SPECC1: variants seen among roughly 807,000 people sequenced by gnomAD.
The protein encoded by SPECC1 is sperm antigen with calponin homology and coiled-coil domains 1.
A neutral mutation model predicts 104.1 loss-of-function variants in SPECC1; 62 were observed. The observed-to-expected ratio is 0.60, with a 90% CI of 0.49 to 0.74. SPECC1 has a LOEUF of 0.74. Ranked by LOEUF, SPECC1 falls within the 30% of genes least tolerant of loss-of-function variation. SPECC1 has a pLI of 0.00. For synonymous variants in SPECC1, 513 were observed against 501.6 expected, an observed-to-expected ratio of 1.02 and a Z score of -0.30; for missense variants, 1,306 against 1,310.5, an observed-to-expected ratio of 1.00 and a Z score of 0.05.
At chr17:20,031,577 G>C (rs555871207) in intron 1 of SPECC1, among the ~76,000 whole-genome samples, 1 of 152,074 alleles carries the variant, frequency 6.6e-6, no homozygotes, top group Non-Finnish European at 1.5e-5. Flanking sequence ...TTGTATTGTT[G>C]TACCACCCTC....
chr17:20,196,790 AT>A (rs1261545530), intron 3 of SPECC1, among the ~76,000 whole-genome samples: 2 of 152,214 alleles, frequency 1.3e-5, no homozygotes, highest in Non-Finnish European at 2.9e-5. Context: ...AAATTGAACA[AT>A]TTTTAAAAGT....
At chr17:20,218,480 CAG>C (rs2037650818) in intron 4 of SPECC1, among the ~76,000 whole-genome samples, 1 of 152,140 alleles carries the variant, frequency 6.6e-6, no homozygotes, top group Non-Finnish European at 1.5e-5. Context: ...TATTACAATC[CAG>C]AGTCTCACGC....
At chr17:20,238,435 C>T (rs1010617724) in intron 7 of SPECC1, 3 of 1,042,114 alleles carry the variant, frequency 2.9e-6, no homozygotes, top group African/African-American at 1.7e-5. Context: ...GGAACTGGTT[C>T]ACAGTGTACA....
chr17:20,293,956 A>G (rs1163425731), intron 12 of SPECC1, among the ~76,000 whole-genome samples: 2 of 151,920 alleles, frequency 1.3e-5, no homozygotes, highest in Admixed American at 6.6e-5. Flanking sequence ...AGAAGCCACC[A>G]TCTCGATGGG....
In SPECC1 at chr17:20,151,112, G is replaced by C. The variant is rs185825455; in HGVS notation, c.283+40550G>C. Among the ~76,000 whole-genome samples the C allele has an allele frequency of 3.3e-5, 5 of 152,232 alleles. No individual in the cohort carries two copies. The East Asian group carries it at 9.6e-4, about 29-fold the overall frequency. On this transcript the variant is annotated intron_variant, in intron 3 of 14. Coordinates refer to ENST00000395527, the MANE Select transcript of SPECC1 (RefSeq NM_001243439.2). The stretch of plus-strand genomic sequence containing the variant: ...TCAACTTAGTTATACCTTTACATTT[G>C]AAATTACACATTATAGAAATACAGT...
intron 1 of SPECC1, among the ~76,000 whole-genome samples, chr17:20,057,240 G>C (rs2046000138): frequency 6.6e-6 from 1 of 152,140 alleles, no homozygotes; most frequent in Non-Finnish European, 1.5e-5. Context: ...AGGAGATCAA[G>C]ACCATCCTGG....
intron 3 of SPECC1, among the ~76,000 whole-genome samples, chr17:20,133,790 C>G (rs902612640): frequency 6.6e-6 from 1 of 152,192 alleles, no homozygotes; most frequent in African/African-American, 2.4e-5. Context: ...CAGACTGAAT[C>G]TTTTGTGTGA....
At chr17:20,044,076 T>C (rs1166695961) in intron 1 of SPECC1, among the ~76,000 whole-genome samples, 4 of 152,116 alleles carry the variant, frequency 2.6e-5, no homozygotes, top group Admixed American at 2.0e-4. Flanking sequence ...AAGCTGTGCA[T>C]CATAGAATCC....
chr17:20,111,913 G>A (rs1284270239), intron 3 of SPECC1: 8 of 788,782 alleles, frequency 1.0e-5, no homozygotes, highest in African/African-American at 5.1e-5. Context: ...TGCTTTCTGT[G>A]GCCAGTGGTA....
intron 3 of SPECC1, among the ~76,000 whole-genome samples, chr17:20,163,289 A>G (rs1388849582): frequency 6.6e-6 from 1 of 152,196 alleles, no homozygotes. Context: ...TTCAAGTTCA[A>G]CGTCTTGTTA....
chr17:20,166,474 T>C (rs577790057), intron 3 of SPECC1, among the ~76,000 whole-genome samples: 1 of 152,160 alleles, frequency 6.6e-6, no homozygotes, highest in Non-Finnish European at 1.5e-5. Context: ...TTTGGAAATT[T>C]TGAGTCAAAT....
intron 4 of SPECC1, among the ~76,000 whole-genome samples, chr17:20,210,785 A>G (rs1469940261): frequency 6.6e-6 from 1 of 152,064 alleles, no homozygotes; most frequent in African/African-American, 2.4e-5. Flanking sequence ...CCCAGTGCCC[A>G]GCTCCCACCA....
chr17:20,107,726 A>G (rs922204240), intron 2 of SPECC1, among the ~76,000 whole-genome samples: 1 of 152,092 alleles, frequency 6.6e-6, no homozygotes, highest in Non-Finnish European at 1.5e-5. Flanking sequence ...GGGTTTCACC[A>G]TGTTGACAAG....
At chr17:20,211,649 G>A (rs372618586) in intron 4 of SPECC1, among the ~76,000 whole-genome samples, 26 of 152,330 alleles carry the variant, frequency 1.7e-4, no homozygotes, top group African/African-American at 6.0e-4. Flanking sequence ...GTCCTCTCCC[G>A]ACACCCCCAG....
rs893395793 is a variant in SPECC1, at chr17:20,314,846, A to G, written c.*781A>G. The G allele has an allele frequency of 1.3e-5, 3 of 231,454 alleles. No homozygotes were observed. Among genetic ancestry groups the G allele is most frequent in the Non-Finnish European group, 2.6e-5 (3 of 116,976 alleles). The allele number at this position is 231,454 out of a possible 1,614,324, so 14.3% of individuals were successfully genotyped here. On this transcript the variant is annotated 3_prime_UTR_variant, in exon 15 of 15. Transcript: ENST00000395527. ...ACTTGATTCACTTTTAGCTCTCACC[A>G]TCCCTTATTTGATTTATTGTAGCAA...
intron 9 of SPECC1, among the ~76,000 whole-genome samples, chr17:20,252,778 CTG>C (rs1175834816): frequency 3.3e-5 from 5 of 152,094 alleles, no homozygotes; most frequent in African/African-American, 7.2e-5. Context: ...GTGGTGGACA[CTG>C]GGGTTGCTTC....
chr17:20,258,405 G>T (rs1375704872), intron 11 of SPECC1, among the ~76,000 whole-genome samples: 1 of 152,102 alleles, frequency 6.6e-6, no homozygotes, highest in Non-Finnish European at 1.5e-5. Context: ...AGTGCCCCTG[G>T]TCGCCCAGGC....
At chr17:20,255,637 C>T (rs977177355) in intron 10 of SPECC1, among the ~76,000 whole-genome samples, 1 of 152,098 alleles carries the variant, frequency 6.6e-6, no homozygotes, top group Non-Finnish European at 1.5e-5. Context: ...ATTATCATAG[C>T]TCACTACAGC....
At chr17:20,297,168 T>A in intron 13 of SPECC1, 91 bp downstream of exon 13, 1 of 1,098,552 alleles carries the variant, frequency 9.1e-7, no homozygotes, top group Non-Finnish European at 1.3e-6. Context: ...CTTACAGGCC[T>A]GAAGTAGAAG....
Sources: allele counts gnomAD v4.1 joint callset (sites outside exome capture counted in the v4.1 genomes callset), GRCh38; gene constraint gnomAD v4.1.1; transcripts MANE v1.5; gene names NCBI Gene and HGNC (gene_info 2026-07-23, HGNC 2026-07-21).